The following EPHB3 variants were observed in gnomAD, a reference collection of about 807,000 sequenced individuals.
EPHB3 encodes EPH receptor B3, also known as ephrin type-B receptor 3.
In EPHB3, 33 loss-of-function variants were observed where a neutral mutation model predicts 100.2. The observed-to-expected ratio is 0.33, with a 90% CI of 0.25 to 0.44. The LOEUF (loss-of-function observed/expected upper bound fraction) is 0.44. Ranked by LOEUF, EPHB3 falls within the 20% of genes least tolerant of loss-of-function variation. The pLI is 1.00. For synonymous variants in EPHB3, 526 were observed against 554.7 expected, an observed-to-expected ratio of 0.95 and a Z score of 0.73; for missense variants, 1,045 against 1,378.3, an observed-to-expected ratio of 0.76 and a Z score of 3.83.
chr3:184,576,382 C>T (rs1480147961), intron 4 of EPHB3, among the ~76,000 whole-genome samples: 2 of 152,198 alleles, frequency 1.3e-5, no homozygotes, highest in African/African-American at 2.4e-5. Flanking sequence ...GAGGGGGCCT[C>T]ACATCCTGAG....
In EPHB3 at chr3:184,572,822, C is replaced by T. The variant is rs374662963; in HGVS notation, c.502C>T (p.Arg168Trp). ...DTIAPDESFS[R>W]LDAGRVNTKV... ...CATTGCACCCGATGAGAGCTTCTCG[C>T]GGCTGGATGCCGGCCGTGTCAACAC... Residue 168 changes from arginine (R) to tryptophan (W), a missense_variant, in exon 3 of 16, where the codon CGG becomes TGG. Transcript: ENST00000330394. This position sits in a 1 kb window ranked among gnomAD's most constrained non-coding sequence, Gnocchi z 6.6. 1.1e-5 allele frequency: 18 copies of T among 1,572,790 alleles called. No homozygotes were observed. Among genetic ancestry groups the T allele is most frequent in the South Asian group, 2.4e-5 (2 of 85,068 alleles).
chr3:184,581,505 C>T lies in EPHB3; in HGVS notation c.2889-9C>T, dbSNP rs1714821557. On this transcript the variant is annotated splice_polypyrimidine_tract_variant and intron_variant, in intron 15 of 15. Transcript: ENST00000330394. ...AAAGGGACTGATCCTAATTTGGCTC[C>T]ACCTGCAGAGACCTGCTCCGTATTG... 1.2e-6 allele frequency: 2 copies of T among 1,611,230 alleles called. No homozygotes were observed. Among genetic ancestry groups the T allele is most frequent in the African/African-American group, 1.3e-5 (1 of 74,876 alleles).
At chr3:184,568,592 A>ACCC (rs113185340) in intron 1 of EPHB3, among the ~76,000 whole-genome samples, 186 of 131,064 alleles carry the variant, frequency 1.4e-3, no homozygotes, top group Non-Finnish European at 1.6e-3. Context: ...GGGTTCTATG[A>ACCC]CCCCCCCCCC....
Position 184,572,062 on chromosome 3 carries a change from G to A in EPHB3, c.184-442G>A, listed in dbSNP as rs151189046. On this transcript the variant is annotated intron_variant, in intron 2 of 15. Transcript: ENST00000330394. The surrounding 1 kb of genome is among the most constrained non-coding windows in gnomAD (Gnocchi z 6.6). ...TGTTGATAGTGACAGCCAGTAGCCCGGAAGTGCTTGCACTGCTACAAGCCC... is the reference window on the plus strand; with the variant it reads ...TGTTGATAGTGACAGCCAGTAGCCCAGAAGTGCTTGCACTGCTACAAGCCC... Among the ~76,000 whole-genome samples, 60 of 152,304 alleles carry A rather than the reference G, an allele frequency of 3.9e-4. No individual in the cohort carries two copies. The East Asian group carries it at 0.01, about 26-fold the overall frequency.
chr3:184,570,976 CAG>C (rs34178313), intron 1 of EPHB3, among the ~76,000 whole-genome samples: 27,447 of 146,416 alleles, frequency 0.19, 2,860 homozygotes, highest in East Asian at 0.3. Flanking sequence ...TTTTTTTAGA[CAG>C]AGTTTCTCTC....
At chr3:184,564,847 T>A (rs1714343949) in intron 1 of EPHB3, among the ~76,000 whole-genome samples, 1 of 152,002 alleles carries the variant, frequency 6.6e-6, no homozygotes, top group Non-Finnish European at 1.5e-5. Flanking sequence ...GATATGTGGG[T>A]TCCATAGCAC....
At position 184,570,945 on chromosome 3, in the gene EPHB3, CTTCT is replaced by C. The variant is rs748437276; in HGVS notation, c.119-362_119-359del. Among the ~76,000 whole-genome samples, 289 of 149,854 alleles carry C rather than the reference CTTCT, an allele frequency of 1.9e-3. 1 individual carries two copies. Among genetic ancestry groups the C allele is most frequent in the Admixed American group, 5.0e-3 (75 of 15,036 alleles). On this transcript the variant is annotated intron_variant, in intron 1 of 15. Coordinates refer to ENST00000330394, the MANE Select transcript of EPHB3 (RefSeq NM_004443.4). ...GGGGGAATCCTTTCCTGAGCCATCT[CTTCT>C]TTCTTTCTTTTTTTTTTTTTTTTAG...
chr3:184,562,498 G>A lies in EPHB3; in HGVS notation c.118+145G>A. On this transcript the variant is annotated intron_variant, in intron 1 of 15. Coordinates refer to ENST00000330394, the MANE Select transcript of EPHB3 (RefSeq NM_004443.4). This position sits in a 1 kb window ranked among gnomAD's most constrained non-coding sequence, Gnocchi z 4.8. Reference sequence around the variant, plus strand: ...CCGCTCCGGGGCCCAGGGATGGGGTGGGGAGGCCGCCCCTGGAGCCGCCTC... The same window carrying A: ...CCGCTCCGGGGCCCAGGGATGGGGTAGGGAGGCCGCCCCTGGAGCCGCCTC... 3 of 1,110,376 alleles carry A rather than the reference G, an allele frequency of 2.7e-6. No homozygotes were observed. The highest frequency in any genetic ancestry group is 3.3e-6 in the Non-Finnish European group (3 of 901,444). 68.8% of individuals were successfully genotyped at this position (1,110,376 alleles called of 1,614,324 possible). A position where few individuals can be genotyped will look rare whatever the true frequency, so the allele number is the denominator to read the frequency against.
Position 184,577,669 on chromosome 3 carries a change from C to T in EPHB3, c.1491C>T (p.Ile497=), listed in dbSNP as rs56102565. 1.1e-4 allele frequency: 176 copies of T among 1,597,796 alleles called. 1 individual carries two copies. In the African/African-American group the frequency reaches 2.0e-3, roughly 18 times the overall value. ...TCCTGGCATTGCAGAGCGAGGGCAT[C>T]GCCTCCACAGTGACCAGCCAGATGA... ...EMKYFEKSEG[I]ASTVTSQMNS... is the part of the protein sequence containing the mutation. The change falls in exon 7 of 16, where the codon ATC becomes ATT. Residue 497 remains isoleucine, a synonymous_variant. Transcript: ENST00000330394. This position sits in a 1 kb window ranked among gnomAD's most constrained non-coding sequence, Gnocchi z 4.9.
intron 3 of EPHB3, among the ~76,000 whole-genome samples, chr3:184,574,458 C>G (rs11718903): frequency 6.6e-6 from 1 of 152,102 alleles, no homozygotes; most frequent in African/African-American, 2.4e-5. Flanking sequence ...GAAGCTGGCA[C>G]GGAAGCCTCC....
chr3:184,570,127 C>T (rs78952539), intron 1 of EPHB3, among the ~76,000 whole-genome samples: 5,882 of 152,236 alleles, frequency 0.039, 153 homozygotes, highest in Middle Eastern at 0.075. Flanking sequence ...GAACACAGGC[C>T]GGGTACTGTG....
In EPHB3 at chr3:184,573,564, C is replaced by T. The variant is rs985631998; in HGVS notation, c.856+388C>T. On this transcript the variant is annotated intron_variant, in intron 3 of 15. Transcript: ENST00000330394. The surrounding 1 kb of genome is among the most constrained non-coding windows in gnomAD (Gnocchi z 4.5). ...TAGGTTGGCCCCAGGGCCAAGGGCA[C>T]GGGGGCTGTGGGTACCTTGTGCATG... Among the ~76,000 whole-genome samples, 41 of 151,768 alleles carry T rather than the reference C, an allele frequency of 2.7e-4. No homozygotes were observed. The highest frequency in any genetic ancestry group is 9.8e-4 in the Admixed American group (15 of 15,256).
intron 11 of EPHB3, 26 bp from the exon 12 acceptor site, chr3:184,580,376 C>T: frequency 6.2e-7 from 1 of 1,614,054 alleles, no homozygotes; most frequent in Non-Finnish European, 8.5e-7. Context: ...GCAATGGGCT[C>T]ACCTGAGCCT....
chr3:184,580,569 C>T lies in EPHB3; in HGVS notation c.2340C>T (p.Ser780=), dbSNP rs1714793131. 1 of 1,614,102 alleles carries T rather than the reference C, an allele frequency of 6.2e-7. No homozygotes were observed. Among genetic ancestry groups the T allele is most frequent in the Admixed American group, 1.7e-5 (1 of 60,004 alleles). Residue 780 remains serine (S), a synonymous_variant, in exon 12 of 16, where the codon TCC becomes TCT. Transcript: ENST00000330394. ...LVCKVSDFGL[S]RFLEDDPSDP... Reference sequence around the variant, plus strand: ...GCAAAGTCTCAGACTTTGGCCTCTCCCGCTTCCTGGAGGATGACCCCTCCG... The same window carrying T: ...GCAAAGTCTCAGACTTTGGCCTCTCTCGCTTCCTGGAGGATGACCCCTCCG...
chr3:184,569,606 G>A lies in EPHB3; in HGVS notation c.119-1712G>A, dbSNP rs1714491077. On this transcript the variant is annotated intron_variant, in intron 1 of 15. Coordinates refer to ENST00000330394, the MANE Select transcript of EPHB3 (RefSeq NM_004443.4). This position sits in a 1 kb window ranked among gnomAD's most constrained non-coding sequence, Gnocchi z 5.4. ...GGCCAGGATCGCTCCCCTTACAGCC[G>A]GGCCCTCAGGGGACCAGGGGCTGCG... Among the ~76,000 whole-genome samples, 2 of 152,290 alleles carry A rather than the reference G, an allele frequency of 1.3e-5. No homozygotes were observed. Among genetic ancestry groups the A allele is most frequent in the South Asian group, 2.1e-4 (1 of 4,822 alleles).
intron 15 of EPHB3, 24 bp downstream of exon 15, chr3:184,581,432 G>T (rs1472800743): frequency 6.3e-7 from 1 of 1,583,742 alleles, no homozygotes; most frequent in South Asian, 1.2e-5. Context: ...AGATTTGGAG[G>T]AGCAGGGCAG....
Position 184,569,146 on chromosome 3 carries a change from G to T in EPHB3, c.119-2172G>T, listed in dbSNP as rs893997417. Among the ~76,000 whole-genome samples, 4 of 152,298 alleles carry T rather than the reference G, an allele frequency of 2.6e-5. No homozygotes were observed. In the East Asian group the frequency reaches 7.8e-4, roughly 30 times the overall value. ...GGAAGTGAGGGAGAGGGAGGAGGGA[G>T]GCGGCGCGAGGGAGCGGCTGGAGCC... is the stretch of plus-strand genomic sequence containing the variant. On this transcript the variant is annotated intron_variant, in intron 1 of 15. Coordinates refer to ENST00000330394, the MANE Select transcript of EPHB3 (RefSeq NM_004443.4). The surrounding 1 kb of genome is among the most constrained non-coding windows in gnomAD (Gnocchi z 5.4).
Position 184,573,641 on chromosome 3 carries a change from A to G in EPHB3, c.856+465A>G, listed in dbSNP as rs917709282. 6.6e-6 allele frequency among the ~76,000 whole-genome samples: 1 copy of G among 151,424 alleles called. No homozygotes were observed. Among genetic ancestry groups the G allele is most frequent in the Non-Finnish European group, 1.5e-5 (1 of 67,968 alleles). ...TTGGGAGGCAGTATATAAATGGCAC[A>G]GTGGTTAGGGGCCCAGTCCCTGAAG... On this transcript the variant is annotated intron_variant, in intron 3 of 15. Coordinates refer to ENST00000330394, the MANE Select transcript of EPHB3 (RefSeq NM_004443.4). The surrounding 1 kb of genome is among the most constrained non-coding windows in gnomAD (Gnocchi z 4.5).
In EPHB3 at chr3:184,573,205, T is replaced by A; in HGVS notation, c.856+29T>A. The A allele has an allele frequency of 6.2e-7, 1 of 1,605,850 alleles. No homozygotes were observed. The highest frequency in any genetic ancestry group is 8.5e-7 in the Non-Finnish European group (1 of 1,179,700). On this transcript the variant is annotated intron_variant, in intron 3 of 15. Transcript: ENST00000330394. This position sits in a 1 kb window ranked among gnomAD's most constrained non-coding sequence, Gnocchi z 4.5. Reference sequence around the variant, plus strand: ...AGTGGGGACTGTCCTGGGGAAAGGGTTGTCGGGAGGGCCTGGGCCACAGCT... The same window carrying A: ...AGTGGGGACTGTCCTGGGGAAAGGGATGTCGGGAGGGCCTGGGCCACAGCT...
Sources: gnomAD v4.1 joint callset for allele counts (sites outside exome capture counted in the v4.1 genomes callset) on GRCh38, gnomAD v4.1.1 for gene constraint, Gnocchi (gnomAD v3.1) non-coding constraint, MANE v1.5 for transcripts, NCBI Gene and HGNC (gene_info 2026-07-23, HGNC 2026-07-21) for gene names.